The following BACH2 variants were observed in gnomAD, a reference collection of about 807,000 sequenced individuals.
The protein encoded by BACH2 is transcription regulator protein BACH2.
A neutral mutation model predicts 61.8 loss-of-function variants in BACH2; 5 were observed. The observed-to-expected ratio is 0.08, with a 90% CI of 0.04 to 0.17. BACH2 has a LOEUF of 0.17. Ranked by LOEUF, BACH2 falls within the 10% of genes least tolerant of loss-of-function variation. The pLI is 1.00. For synonymous variants in BACH2, 446 were observed against 440.1 expected, an observed-to-expected ratio of 1.01 and a Z score of -0.17; for missense variants, 824 against 1,091.1, an observed-to-expected ratio of 0.76 and a Z score of 3.45.
At chr6:90,123,286 G>A (rs538897984) in intron 4 of BACH2, among the ~76,000 whole-genome samples, 2 of 152,344 alleles carry the variant, frequency 1.3e-5, no homozygotes, top group South Asian at 4.1e-4. Flanking sequence ...AGCCTCCCCA[G>A]AAGCTGGGAC....
At chr6:90,053,496 G>C (rs1780159065) in intron 5 of BACH2, among the ~76,000 whole-genome samples, 1 of 152,018 alleles carries the variant, frequency 6.6e-6, no homozygotes, top group Non-Finnish European at 1.5e-5. Context: ...TGTGCAGACT[G>C]GTCTTGAACT....
intron 5 of BACH2, among the ~76,000 whole-genome samples, chr6:90,062,729 C>G (rs1780745992): frequency 6.7e-6 from 1 of 150,278 alleles, no homozygotes. Flanking sequence ...TATCATTTGG[C>G]TAATCTTGCC....
At chr6:90,032,873 T>C (rs1380519044) in intron 5 of BACH2, among the ~76,000 whole-genome samples, 2 of 152,140 alleles carry the variant, frequency 1.3e-5, no homozygotes, top group Admixed American at 6.6e-5. Flanking sequence ...ACCCGAAGGA[T>C]TATAAATCAT....
intron 3 of BACH2, among the ~76,000 whole-genome samples, chr6:90,239,485 C>G (rs976118711): frequency 2.0e-5 from 3 of 152,150 alleles, no homozygotes; most frequent in Admixed American, 6.5e-5. Context: ...AAAATTACAG[C>G]AAGGTCCCCA....
chr6:90,023,158 T>C (rs12664550), intron 5 of BACH2, among the ~76,000 whole-genome samples: 19,717 of 152,080 alleles, frequency 0.13, 1,351 homozygotes, highest in East Asian at 0.18. Context: ...AATTCAAAAA[T>C]GGATAAAAAA....
At chr6:90,003,516 C>A (rs1392359080) in intron 6 of BACH2, among the ~76,000 whole-genome samples, 1 of 152,154 alleles carries the variant, frequency 6.6e-6, no homozygotes, top group African/African-American at 2.4e-5. Flanking sequence ...TCCTCTTTTT[C>A]CTCCTCCTCC....
At chr6:90,291,745 G>A (rs914444947) in intron 1 of BACH2, among the ~76,000 whole-genome samples, 3 of 152,098 alleles carry the variant, frequency 2.0e-5, no homozygotes, top group Non-Finnish European at 4.4e-5. Flanking sequence ...AAAGATAGGA[G>A]GACAGCAGAG....
intron 5 of BACH2, among the ~76,000 whole-genome samples, chr6:90,074,424 C>T (rs368756157): frequency 2.6e-5 from 4 of 152,040 alleles, no homozygotes; most frequent in Admixed American, 6.6e-5. Flanking sequence ...AACTCAGGGA[C>T]GATGGCAGTG....
At chr6:90,278,203 C>G (rs774361156) in intron 1 of BACH2, among the ~76,000 whole-genome samples, 1 of 152,242 alleles carries the variant, frequency 6.6e-6, no homozygotes, top group Non-Finnish European at 1.5e-5. Flanking sequence ...TCACAGCTCA[C>G]AGTTCAATCC....
At chr6:89,996,055 C>T (rs547688335) in intron 6 of BACH2, among the ~76,000 whole-genome samples, 1 of 152,248 alleles carries the variant, frequency 6.6e-6, no homozygotes, top group South Asian at 2.1e-4. Context: ...AAGGGGTCAG[C>T]GATTTCTAGT....
chr6:90,041,395 C>T (rs559616468), intron 5 of BACH2, among the ~76,000 whole-genome samples: 1 of 151,860 alleles, frequency 6.6e-6, no homozygotes, highest in South Asian at 2.1e-4. Context: ...TACATCAATG[C>T]CTTTGCAGCA....
chr6:90,228,005 T>C (rs542081360), intron 3 of BACH2, among the ~76,000 whole-genome samples: 1 of 152,344 alleles, frequency 6.6e-6, no homozygotes, highest in East Asian at 1.9e-4. Flanking sequence ...CACTTGTAAA[T>C]TACCTGTCTC....
chr6:89,936,896 T>C (rs1335779744), intron 8 of BACH2, among the ~76,000 whole-genome samples: 12 of 152,036 alleles, frequency 7.9e-5, no homozygotes, highest in Admixed American at 7.2e-4. Flanking sequence ...GACCATACCA[T>C]GTGGCCTCCC....
At chr6:90,092,950 C>T (rs1782235111) in intron 4 of BACH2, among the ~76,000 whole-genome samples, 2 of 152,104 alleles carry the variant, frequency 1.3e-5, no homozygotes, top group Non-Finnish European at 2.9e-5. Context: ...CCAAAGGTAG[C>T]ATCCATCAAT....
intron 3 of BACH2, among the ~76,000 whole-genome samples, chr6:90,239,114 A>G (rs1770349321): frequency 6.6e-6 from 1 of 152,220 alleles, no homozygotes; most frequent in Non-Finnish European, 1.5e-5. Flanking sequence ...AATCAATGCT[A>G]AAATGATACT....
chr6:90,013,741 T>C (rs1010141349), intron 5 of BACH2, among the ~76,000 whole-genome samples: 5 of 152,080 alleles, frequency 3.3e-5, no homozygotes, highest in East Asian at 1.9e-4. Flanking sequence ...ATCTCCTGAC[T>C]TTGTGATCCC....
At chr6:89,941,982 T>C (rs1034750067) in intron 7 of BACH2, among the ~76,000 whole-genome samples, 4 of 152,122 alleles carry the variant, frequency 2.6e-5, no homozygotes, top group African/African-American at 7.2e-5. Context: ...CAAAAAGCCA[T>C]ACAACACTTC....
At chr6:90,052,389 T>A (rs1006773403) in intron 5 of BACH2, among the ~76,000 whole-genome samples, 21 of 151,872 alleles carry the variant, frequency 1.4e-4, no homozygotes, top group African/African-American at 5.1e-4. Flanking sequence ...CTATCCTGAT[T>A]TTTTTTTGCC....
intron 4 of BACH2, among the ~76,000 whole-genome samples, chr6:90,120,687 T>TA (rs894547586): frequency 8.5e-5 from 13 of 152,304 alleles, no homozygotes; most frequent in East Asian, 5.8e-4. Flanking sequence ...ACCTATCCAA[T>TA]AGAAAGTCTT....
Sources: gnomAD v4.1 joint callset for allele counts (sites outside exome capture counted in the v4.1 genomes callset) on GRCh38, gnomAD v4.1.1 for gene constraint, MANE v1.5 for transcripts, NCBI Gene and HGNC (gene_info 2026-07-23, HGNC 2026-07-21) for gene names.